The following SCARB2 variants were observed in gnomAD, a reference collection of about 807,000 sequenced individuals.
The protein encoded by SCARB2 is lysosome membrane protein 2.
SCARB2 carries 29 observed loss-of-function variants against 58.6 expected under a neutral mutation model. The observed-to-expected ratio is 0.49, with a 90% confidence interval of 0.37 to 0.67. The LOEUF (loss-of-function observed/expected upper bound fraction) is 0.67, where lower values mean the gene tolerates loss of function less well. SCARB2 is among the 30% of genes least tolerant of loss of function. SCARB2 has a pLI of 0.00. For synonymous variants in SCARB2, 195 were observed against 210.1 expected (o/e 0.93, Z 0.62); for missense variants, 488 against 578.5 (o/e 0.84, Z 1.60).
chr4:76,216,002 A>G (rs561085727), upstream of SCARB2, among the ~76,000 whole-genome samples: 6 of 152,314 alleles, frequency 3.9e-5, no homozygotes, highest in African/African-American at 1.4e-4. Flanking sequence ...TGTAGCTACC[A>G]AAGCTCTTCA....
chr4:76,194,719 T>C (rs1164435934), intron 2 of SCARB2: 1 of 152,180 alleles, frequency 6.6e-6, no homozygotes, highest in Non-Finnish European at 1.5e-5. Flanking sequence ...TTTTCTAACC[T>C]GGTAAGGAGA....
chr4:76,170,920 C>T (rs1732115445), intron 7 of SCARB2, among the ~76,000 whole-genome samples: 1 of 140,224 alleles, frequency 7.1e-6, no homozygotes, highest in Admixed American at 7.6e-5. Context: ...ATTTTAAGAA[C>T]CAAATAAGTG....
chr4:76,175,167 C>CT (rs1256923397), intron 6 of SCARB2: 10 of 152,862 alleles, frequency 6.5e-5, no homozygotes, highest in African/African-American at 2.2e-4. Flanking sequence ...ATAAAATACT[C>CT]TAACAAATAC....
In SCARB2 at chr4:76,167,091, G is replaced by A. The variant is rs893171819; in HGVS notation, c.1188-790C>T. ...TTCTCATATCTAAAAAATTCCCATT[G>A]AAAAGTCTGAGCAGGAGATTATACT... is the stretch of plus-strand genomic sequence containing the variant. On this transcript the variant is annotated intron_variant, in intron 9 of 11. Coordinates refer to ENST00000264896, the MANE Select transcript of SCARB2 (RefSeq NM_005506.4). 1.8e-4 allele frequency among the ~76,000 whole-genome samples: 28 copies of A among 152,120 alleles called. 1 individual carries two copies. Among genetic ancestry groups the A allele is most frequent in the Admixed American group, 1.1e-3 (17 of 15,282 alleles).
chr4:76,165,273 A>G (rs750000438), intron 10 of SCARB2: 2 of 152,224 alleles, frequency 1.3e-5, no homozygotes, highest in Non-Finnish European at 2.9e-5. Context: ...TCATCTTAGA[A>G]TTGTAATAAC....
chr4:76,198,880 G>A (rs535365864), intron 1 of SCARB2, among the ~76,000 whole-genome samples: 135 of 151,632 alleles, frequency 8.9e-4, no homozygotes, highest in African/African-American at 2.8e-3. Flanking sequence ...GTGTGCTCAT[G>A]CGAATGCACT....
At chr4:76,228,423 A>G (rs1837867) in intron 1 of SCARB2, among the ~76,000 whole-genome samples, 31,403 of 151,374 alleles carry the variant, frequency 0.21, 3,454 homozygotes, top group East Asian at 0.36. Context: ...AGGTTACAGC[A>G]AGCTGAGATT....
chr4:76,176,070 A>T, intron 5 of SCARB2, 160 bp from the exon 6 acceptor site: 1 of 894,508 alleles, frequency 1.1e-6, no homozygotes, highest in South Asian at 1.7e-5. Context: ...GGGGAGAAAA[A>T]GTAGGTCCCT....
Position 76,161,306 on chromosome 4 carries a change from T to C in SCARB2, c.*407A>G, listed in dbSNP as rs1731892328. ...AATGGAGGAATACAACATAAAATGG[T>C]ATATACGCATTTTGAGCACAAAGTT... On this transcript the variant is annotated 3_prime_UTR_variant, in exon 12 of 12. Transcript: ENST00000264896. 1 of 237,610 alleles carries C rather than the reference T, an allele frequency of 4.2e-6. No homozygotes were observed. The highest frequency in any genetic ancestry group is 5.9e-5 in the South Asian group (1 of 16,916). The allele number at this position is 237,610 out of a possible 1,614,324, so 14.7% of individuals were successfully genotyped here.
chr4:76,207,302 T>C (rs1732948587), intron 1 of SCARB2, among the ~76,000 whole-genome samples: 1 of 152,196 alleles, frequency 6.6e-6, no homozygotes, highest in South Asian at 2.1e-4. Flanking sequence ...AGTTTCAATT[T>C]CTAATATTGT....
At chr4:76,222,471 A>G (rs1247103617) in intron 1 of SCARB2, among the ~76,000 whole-genome samples, 5 of 152,086 alleles carry the variant, frequency 3.3e-5, no homozygotes, top group Admixed American at 1.3e-4. Flanking sequence ...CAGGTGATCC[A>G]CCTGCCTCGG....
At chr4:76,218,934 C>T (rs909868593) in intron 1 of SCARB2, among the ~76,000 whole-genome samples, 2 of 152,194 alleles carry the variant, frequency 1.3e-5, no homozygotes, top group African/African-American at 2.4e-5. Context: ...TTACTCCTTA[C>T]AATGCCCTAT....
chr4:76,218,404 C>G (rs1274724537), upstream of SCARB2, among the ~76,000 whole-genome samples: 1 of 152,194 alleles, frequency 6.6e-6, no homozygotes, highest in Non-Finnish European at 1.5e-5. Context: ...GCTTACATAT[C>G]CCAGAGGAGA....
In SCARB2 at chr4:76,224,237, C is replaced by T. The variant is rs114842685; in HGVS notation, c.-358+10066G>A. On this transcript the variant is annotated intron_variant, in intron 1 of 11. Transcript: ENST00000638295. The stretch of plus-strand genomic sequence containing the variant: ...GCACCATTGTCACACATAGTTCATC[C>T]GAAATTCACGGGATAATTGGGCTGG... Among the ~76,000 whole-genome samples the T allele has an allele frequency of 5.3e-3, 814 of 152,264 alleles. 7 individuals carry two copies. Among genetic ancestry groups the T allele is most frequent in the African/African-American group, 0.018 (766 of 41,540 alleles).
At chr4:76,203,653 G>A (rs76606523) in intron 1 of SCARB2, among the ~76,000 whole-genome samples, 2,031 of 152,326 alleles carry the variant, frequency 0.013, 20 homozygotes, top group Non-Finnish European at 0.022. Context: ...CAACCTCTCT[G>A]AGCTGTGTGT....
intron 9 of SCARB2, 28 bp downstream of exon 9, chr4:76,168,375 C>A: frequency 6.4e-7 from 1 of 1,571,344 alleles, no homozygotes; most frequent in South Asian, 1.1e-5. Flanking sequence ...AAACTGCTGT[C>A]CCCTCCATAG....
chr4:76,231,354 T>A (rs1373207919), intron 1 of SCARB2, among the ~76,000 whole-genome samples: 2 of 152,220 alleles, frequency 1.3e-5, no homozygotes, highest in African/African-American at 2.4e-5. Flanking sequence ...CCCATCCCTC[T>A]TGTTCTTTCT....
At chr4:76,208,046 T>A (rs1027105720) in intron 1 of SCARB2, among the ~76,000 whole-genome samples, 1 of 152,212 alleles carries the variant, frequency 6.6e-6, no homozygotes, top group Non-Finnish European at 1.5e-5. Context: ...CAGATTACGA[T>A]CCCACAGCAA....
intron 1 of SCARB2, chr4:76,234,287 G>C (rs916155119): frequency 6.6e-6 from 1 of 152,510 alleles, no homozygotes; most frequent in African/African-American, 2.4e-5. Flanking sequence ...GAGAGGTTTT[G>C]AGTCATTTCA....
Sources: allele counts gnomAD v4.1 joint callset (sites outside exome capture counted in the v4.1 genomes callset), GRCh38; gene constraint gnomAD v4.1.1; transcripts MANE v1.5; gene names NCBI Gene and HGNC (gene_info 2026-07-23, HGNC 2026-07-21).